DEPDC1B: variants seen among roughly 807,000 people sequenced by gnomAD.
The protein encoded by DEPDC1B is DEP domain-containing protein 1B.
DEPDC1B carries 51 observed loss-of-function variants against 66.5 expected under a neutral mutation model. That is an observed-to-expected ratio of 0.77 (90% confidence interval 0.61 to 0.97). The LOEUF (loss-of-function observed/expected upper bound fraction) is 0.97. Ranked by LOEUF, DEPDC1B falls within the 50% of genes least tolerant of loss-of-function variation. DEPDC1B has a pLI of 0.00. For synonymous variants in DEPDC1B, 226 were observed against 223.6 expected (o/e 1.01, Z -0.10); for missense variants, 552 against 637.1 (o/e 0.87, Z 1.44).
chr5:60,601,429 T>C (rs1298233055), intron 9 of DEPDC1B, among the ~76,000 whole-genome samples: 1 of 152,218 alleles, frequency 6.6e-6, no homozygotes. Context: ...CACTCTCTTA[T>C]ACCACTGACA....
rs1183394344 is a variant in DEPDC1B, at chr5:60,635,078, A to AC, written c.898+3671_898+3672insG. On this transcript the variant is annotated intron_variant, in intron 7 of 10. Transcript: ENST00000265036. ...CCATCTCAAGAGAAAAAAAAAAAAA[A>AC]AAACTCCGGCCATAAGCCCTGGGCT... is the stretch of plus-strand genomic sequence containing the variant. Among the ~76,000 whole-genome samples the AC allele has an allele frequency of 8.6e-5, 13 of 151,952 alleles. No individual in the cohort carries two copies. In the South Asian group the frequency reaches 1.2e-3, roughly 15 times the overall value.
chr5:60,687,125 C>T lies in DEPDC1B; in HGVS notation c.151G>A (p.Asp51Asn). The T allele has an allele frequency of 6.2e-7, 1 of 1,614,216 alleles. No homozygotes were observed. Residue 51 changes from aspartate to asparagine, a missense_variant, in exon 2 of 11, where the codon GAT (aspartate) becomes AAT (asparagine). Coordinates refer to ENST00000265036, the MANE Select transcript of DEPDC1B (RefSeq NM_018369.3). ...EHCFTAAEAV[D>N]WLHELLRCSQ... ...CACCTCAGCAGCTCATGCAGCCAAT[C>T]CACAGCTTCGGCCGCTGTGAAACAA...
intron 2 of DEPDC1B, among the ~76,000 whole-genome samples, chr5:60,653,629 T>C (rs1393055624): frequency 6.6e-6 from 1 of 152,216 alleles, no homozygotes; most frequent in East Asian, 1.9e-4. Flanking sequence ...TATTTATTTA[T>C]TTGTCTTTGT....
At chr5:60,648,573 T>G (rs1753373592) in intron 2 of DEPDC1B, among the ~76,000 whole-genome samples, 1 of 152,216 alleles carries the variant, frequency 6.6e-6, no homozygotes, top group African/African-American at 2.4e-5. Flanking sequence ...AAAACTATGA[T>G]TTCTCATCTT....
At chr5:60,597,970 A>G in intron 10 of DEPDC1B, 56 bp from the exon 11 acceptor site, 1 of 1,457,486 alleles carries the variant, frequency 6.9e-7, no homozygotes, top group Non-Finnish European at 9.1e-7. Context: ...AGCCAATAAA[A>G]TTTGGCAGCC....
At chr5:60,650,799 A>G (rs1327817287) in intron 2 of DEPDC1B, among the ~76,000 whole-genome samples, 1 of 152,212 alleles carries the variant, frequency 6.6e-6, no homozygotes, top group African/African-American at 2.4e-5. Context: ...GCTCTTTTGC[A>G]ATATGATCTT....
chr5:60,600,897 G>T (rs1752187146), intron 9 of DEPDC1B, among the ~76,000 whole-genome samples: 1 of 152,218 alleles, frequency 6.6e-6, no homozygotes, highest in Non-Finnish European at 1.5e-5. Flanking sequence ...ATCTTGAAAT[G>T]TAGTTCCCAT....
chr5:60,662,733 C>T (rs1387850306), intron 2 of DEPDC1B, among the ~76,000 whole-genome samples: 2 of 152,106 alleles, frequency 1.3e-5, no homozygotes, highest in Non-Finnish European at 2.9e-5. Flanking sequence ...CCTCAGGGGA[C>T]AAAAGTCCTC....
At chr5:60,663,217 G>A (rs923995130) in intron 2 of DEPDC1B, among the ~76,000 whole-genome samples, 27 of 152,090 alleles carry the variant, frequency 1.8e-4, no homozygotes, top group East Asian at 1.9e-4. Flanking sequence ...TGCCCGTCCC[G>A]TTCAAGTTAA....
chr5:60,690,127 G>A (rs1034299885), intron 1 of DEPDC1B, among the ~76,000 whole-genome samples: 4 of 152,046 alleles, frequency 2.6e-5, no homozygotes, highest in Non-Finnish European at 5.9e-5. Flanking sequence ...AACCTGAAGT[G>A]TTTTTTCAGA....
At chr5:60,603,826 C>CATATAT (rs34747463) in intron 8 of DEPDC1B, among the ~76,000 whole-genome samples, 2,336 of 146,098 alleles carry the variant, frequency 0.016, 50 homozygotes, top group African/African-American at 0.048. Context: ...TTTAAATATA[C>CATATAT]ATATATATAT....
intron 2 of DEPDC1B, among the ~76,000 whole-genome samples, chr5:60,685,414 G>A (rs1453592111): frequency 1.3e-5 from 2 of 151,860 alleles, no homozygotes; most frequent in East Asian, 1.9e-4. Flanking sequence ...AAAAAATACT[G>A]CTCCATTTAT....
chr5:60,666,174 C>G (rs756117995), intron 2 of DEPDC1B, among the ~76,000 whole-genome samples: 1 of 152,182 alleles, frequency 6.6e-6, no homozygotes, highest in Admixed American at 6.5e-5. Context: ...CCCAGCGAGG[C>G]GCCCATTGCC....
In DEPDC1B at chr5:60,686,965, T is replaced by C; in HGVS notation, c.311A>G (p.Tyr104Cys). 1 of 1,614,228 alleles carries C rather than the reference T, an allele frequency of 6.2e-7. No homozygotes were observed. Among genetic ancestry groups the C allele is most frequent in the Non-Finnish European group, 8.5e-7 (1 of 1,180,040 alleles). ...CAGGTTTACATGTTGCCATTACCTGTATAAGTGACGATTGTCTTCAAAATC... is the reference window on the plus strand; with the variant it reads ...CAGGTTTACATGTTGCCATTACCTGCATAAGTGACGATTGTCTTCAAAATC... ...EEDFEDNRHLYRFPPSSPLKP... is the reference protein window; with the variant it reads ...EEDFEDNRHLCRFPPSSPLKP... The change falls in exon 2 of 11, where the codon TAC becomes TGC. Residue 104 changes from tyrosine (Y) to cysteine (C), a missense_variant. Coordinates refer to ENST00000265036, the MANE Select transcript of DEPDC1B (RefSeq NM_018369.3).
At chr5:60,649,744 C>G (rs1015382924) in intron 2 of DEPDC1B, among the ~76,000 whole-genome samples, 2 of 151,154 alleles carry the variant, frequency 1.3e-5, no homozygotes, top group African/African-American at 4.9e-5. Context: ...AATTTTTACA[C>G]AAAAAAAAGA....
chr5:60,598,947 G>C, intron 10 of DEPDC1B, 128 bp downstream of exon 10: 1 of 722,828 alleles, frequency 1.4e-6, no homozygotes, highest in East Asian at 2.9e-5. Context: ...TAGAATGTAT[G>C]AACTAATATA....
chr5:60,638,192 G>C (rs1460774603), intron 7 of DEPDC1B, among the ~76,000 whole-genome samples: 4 of 152,040 alleles, frequency 2.6e-5, no homozygotes, highest in African/African-American at 9.7e-5. Context: ...CAATATTGTT[G>C]ATTTTTTTCC....
chr5:60,643,970 G>C (rs1257990943), intron 5 of DEPDC1B, among the ~76,000 whole-genome samples: 2 of 152,140 alleles, frequency 1.3e-5, no homozygotes, highest in African/African-American at 4.8e-5. Context: ...GGAGCCTCCA[G>C]CCCTAAATTT....
chr5:60,598,037 C>T lies in DEPDC1B; in HGVS notation c.1429-123G>A, dbSNP rs937473664. On this transcript the variant is annotated intron_variant, in intron 10 of 10. Coordinates refer to ENST00000265036, the MANE Select transcript of DEPDC1B (RefSeq NM_018369.3). ...CTGTTTTTGTTTATTTTTGTTAAAA[C>T]ATTTCATTCCAATTTCTATAGAGCT... is the stretch of plus-strand genomic sequence containing the variant. The T allele has an allele frequency of 3.7e-6, 3 of 801,056 alleles. No individual in the cohort carries two copies. The Admixed American group carries it at 1.1e-4, about 29-fold the overall frequency. 49.6% of individuals were successfully genotyped at this position (801,056 alleles called of 1,614,324 possible).
Sources: gnomAD v4.1 joint callset for allele counts (sites outside exome capture counted in the v4.1 genomes callset) on GRCh38, gnomAD v4.1.1 for gene constraint, MANE v1.5 for transcripts, NCBI Gene and HGNC (gene_info 2026-07-23, HGNC 2026-07-21) for gene names.